Variants in SGCZ observed in about 807,000 individuals in gnomAD.
SGCZ encodes the protein zeta-sarcoglycan.
A neutral mutation model predicts 41.3 loss-of-function variants in SGCZ; 40 were observed. The observed-to-expected ratio is 0.97, with a 90% confidence interval of 0.75 to 1.26. The LOEUF is 1.26. Among genes scored for constraint, SGCZ ranks in the 50% most tolerant of loss-of-function variants. The pLI is 0.00. For synonymous variants in SGCZ, 206 were observed against 137.5 expected (o/e 1.50, Z -3.49); for missense variants, 552 against 369.8 (o/e 1.49, Z -4.04).
intron 6 of SGCZ, among the ~76,000 whole-genome samples, chr8:14,104,442 T>A (rs570782785): frequency 2.6e-5 from 4 of 151,916 alleles, no homozygotes; most frequent in Non-Finnish European, 5.9e-5. Flanking sequence ...AAAAAAAATC[T>A]GTGGCCTAAA....
chr8:14,366,017 GA>G (rs1803692549), intron 2 of SGCZ, among the ~76,000 whole-genome samples: 1 of 151,706 alleles, frequency 6.6e-6, no homozygotes, highest in African/African-American at 2.4e-5. Flanking sequence ...CTACATTTTT[GA>G]AATTTGATAA....
intron 1 of SGCZ, among the ~76,000 whole-genome samples, chr8:14,831,771 T>TAC (rs773118501): frequency 6.8e-6 from 1 of 146,336 alleles, no homozygotes; most frequent in African/African-American, 2.7e-5. Flanking sequence ...TATACATATA[T>TAC]ACACACACGT....
chr8:15,071,104 C>A (rs1391387009), intron 1 of SGCZ, among the ~76,000 whole-genome samples: 1 of 152,074 alleles, frequency 6.6e-6, no homozygotes, highest in Admixed American at 6.6e-5. Context: ...TTTAGAAAAA[C>A]TTGATTTGTT....
intron 4 of SGCZ, among the ~76,000 whole-genome samples, chr8:14,235,819 G>A (rs1396882224): frequency 6.6e-6 from 1 of 151,980 alleles, no homozygotes; most frequent in Admixed American, 6.6e-5. Flanking sequence ...TGAGTAGCTG[G>A]GATTACAGGC....
At chr8:14,265,621 A>G (rs1211472399) in intron 3 of SGCZ, among the ~76,000 whole-genome samples, 1 of 152,138 alleles carries the variant, frequency 6.6e-6, no homozygotes, top group Non-Finnish European at 1.5e-5. Context: ...GAATGTGCTC[A>G]TGTAAAATTA....
At chr8:14,429,752 A>C (rs971442747) in intron 2 of SGCZ, among the ~76,000 whole-genome samples, 17 of 149,940 alleles carry the variant, frequency 1.1e-4, no homozygotes, top group African/African-American at 3.0e-4. Context: ...GATCTCGGCC[A>C]GCATATTTAC....
chr8:14,875,119 T>G (rs1332932895), intron 1 of SGCZ, among the ~76,000 whole-genome samples: 2 of 152,116 alleles, frequency 1.3e-5, no homozygotes, highest in East Asian at 3.9e-4. Context: ...GCTGGGAAAT[T>G]CAAGCACAAG....
In SGCZ at chr8:14,753,930, C is replaced by T. The variant is rs190606798; in HGVS notation, c.40-199004G>A. Among the ~76,000 whole-genome samples, 333 of 152,248 alleles carry T rather than the reference C, an allele frequency of 2.2e-3. 5 individuals carry two copies. Among genetic ancestry groups the T allele is most frequent in the Admixed American group, 0.019 (287 of 15,296 alleles). On this transcript the variant is annotated intron_variant, in intron 1 of 7. Transcript: ENST00000382080. ...AAACTGTACTGCCTTTGCCTACAAA[C>T]GTATAGCTCTAACATTCTGCTTTAG...
At chr8:14,885,684 A>G (rs1189735802) in intron 1 of SGCZ, among the ~76,000 whole-genome samples, 1 of 152,022 alleles carries the variant, frequency 6.6e-6, no homozygotes, top group South Asian at 2.1e-4. Flanking sequence ...GAAAAGGCCC[A>G]GTAATTGTAG....
chr8:15,059,557 A>T (rs565638419), intron 1 of SGCZ, among the ~76,000 whole-genome samples: 1 of 152,328 alleles, frequency 6.6e-6, no homozygotes, highest in East Asian at 1.9e-4. Flanking sequence ...AACTAGTTTA[A>T]TATTGCAAAG....
At chr8:14,737,892 T>C (rs930283221) in intron 1 of SGCZ, among the ~76,000 whole-genome samples, 3 of 152,142 alleles carry the variant, frequency 2.0e-5, no homozygotes, top group Admixed American at 6.6e-5. Context: ...TAAAAGGTAC[T>C]GTACTGAATA....
At chr8:15,032,603 G>T (rs951583581) in intron 1 of SGCZ, among the ~76,000 whole-genome samples, 3 of 152,126 alleles carry the variant, frequency 2.0e-5, no homozygotes, top group Non-Finnish European at 4.4e-5. Flanking sequence ...GGACACCCCA[G>T]CACTGGGCTG....
chr8:14,154,702 G>C (rs540476135), intron 5 of SGCZ, among the ~76,000 whole-genome samples: 1 of 152,092 alleles, frequency 6.6e-6, no homozygotes. Flanking sequence ...TTTATAAAAT[G>C]GTAGAGGCTG....
chr8:14,572,850 GT>G (rs555978126), intron 1 of SGCZ, among the ~76,000 whole-genome samples: 1 of 151,940 alleles, frequency 6.6e-6, no homozygotes, highest in African/African-American at 2.4e-5. Flanking sequence ...ATCCAGGTCT[GT>G]TTTTTTTGAT....
At chr8:14,861,413 C>G (rs866234092) in intron 1 of SGCZ, among the ~76,000 whole-genome samples, 24 of 152,124 alleles carry the variant, frequency 1.6e-4, no homozygotes, top group Non-Finnish European at 1.6e-4. Context: ...TAAGAATGCT[C>G]TTGTAAGAAT....
intron 1 of SGCZ, among the ~76,000 whole-genome samples, chr8:14,904,428 C>T (rs182607562): frequency 2.4e-4 from 36 of 152,080 alleles, no homozygotes; most frequent in South Asian, 4.1e-4. Context: ...AAAGAATACA[C>T]GAACTTATTT....
intron 4 of SGCZ, among the ~76,000 whole-genome samples, chr8:14,224,080 G>C (rs1230690204): frequency 6.6e-6 from 1 of 152,120 alleles, no homozygotes; most frequent in Non-Finnish European, 1.5e-5. Flanking sequence ...GCACATCTTT[G>C]ACACTATTCT....
At chr8:14,866,349 G>C (rs1360817158) in intron 1 of SGCZ, among the ~76,000 whole-genome samples, 1 of 151,878 alleles carries the variant, frequency 6.6e-6, no homozygotes, top group Non-Finnish European at 1.5e-5. Context: ...TAAAACACTG[G>C]TTTTATTCTG....
chr8:14,619,524 C>T (rs963313561), intron 1 of SGCZ, among the ~76,000 whole-genome samples: 3 of 152,062 alleles, frequency 2.0e-5, no homozygotes, highest in Non-Finnish European at 2.9e-5. Flanking sequence ...GATGACATGA[C>T]TGTATATCTA....
Sources: gnomAD v4.1 joint callset for allele counts (sites outside exome capture counted in the v4.1 genomes callset) on GRCh38, gnomAD v4.1.1 for gene constraint, MANE v1.5 for transcripts, NCBI Gene and HGNC (gene_info 2026-07-23, HGNC 2026-07-21) for gene names.